The following SHMT1 variants were observed in gnomAD, a reference collection of about 807,000 sequenced individuals.
The protein encoded by SHMT1 is serine hydroxymethyltransferase, cytosolic.
A neutral mutation model predicts 49.0 loss-of-function variants in SHMT1; 45 were observed. The ratio of observed to expected loss-of-function variants is 0.92; its 90% confidence interval spans 0.72 to 1.18. The LOEUF (loss-of-function observed/expected upper bound fraction) is 1.18, where lower values mean the gene tolerates loss of function less well. SHMT1 is among the 50% of genes most tolerant of loss of function. The probability of loss-of-function intolerance (pLI) is 0.00; values close to 1 mark genes in which losing one functional copy is unlikely to be tolerated. For missense variants in SHMT1, 541 were observed against 612.4 expected, an observed-to-expected ratio of 0.88 and a Z score of 1.23; for synonymous variants, 232 against 246.6, an observed-to-expected ratio of 0.94 and a Z score of 0.55.
At chr17:18,335,832 C>G (rs1983732152) in intron 7 of SHMT1, among the ~76,000 whole-genome samples, 157 bp from the exon 8 acceptor site, 1 of 152,158 alleles carries the variant, frequency 6.6e-6, no homozygotes, top group African/African-American at 2.4e-5. Flanking sequence ...CAGAGGGGAC[C>G]CTTGCCTCCT....
chr17:18,360,490 G>C (rs1293575605), intron 1 of SHMT1: 5 of 151,368 alleles, frequency 3.3e-5, no homozygotes, highest in African/African-American at 4.9e-5. Flanking sequence ...AGTCCCGGAG[G>C]TTGAGGCTGC....
intron 3 of SHMT1, among the ~76,000 whole-genome samples, chr17:18,352,309 G>A (rs1361297999): frequency 6.6e-6 from 1 of 152,006 alleles, no homozygotes; most frequent in Non-Finnish European, 1.5e-5. Flanking sequence ...ACCTTGCCAG[G>A]CTAATTTTTT....
chr17:18,331,233 A>T, intron 9 of SHMT1: 1 of 223,446 alleles, frequency 4.5e-6, no homozygotes, highest in Non-Finnish European at 9.0e-6. Flanking sequence ...TTGAACCTTC[A>T]TTAAGCTGGG....
At chr17:18,347,406 GAC>G in intron 5 of SHMT1, 88 bp downstream of exon 5, 1 of 1,429,310 alleles carries the variant, frequency 7.0e-7, no homozygotes, top group Non-Finnish European at 9.9e-7. Context: ...TTCCTGTAGT[GAC>G]ACATAAACCA....
rs2151579002 is a variant in SHMT1 at position 18,340,161 on chromosome 17, G to A, written c.696C>T (p.Ile232=). Reference sequence around the variant, plus strand: ...CCACGCCAGCCGCCACCAGCCCGCTGATGTGAGCCATGTCCGCCATGAGAT... The same window carrying A: ...CCACGCCAGCCGCCACCAGCCCGCTAATGTGAGCCATGTCCGCCATGAGAT... ...GAYLMADMAH[I]SGLVAAGVVP... The change falls in exon 7 of 12, where the codon ATC becomes ATT. Residue 232 remains isoleucine, a synonymous_variant. Coordinates refer to ENST00000316694, the MANE Select transcript of SHMT1 (RefSeq NM_004169.5). The surrounding 1 kb of genome is among the most constrained non-coding windows in gnomAD (Gnocchi z 4.5). 6.2e-7 allele frequency: 1 copy of A among 1,614,198 alleles called. No homozygotes were observed. Among genetic ancestry groups the A allele is most frequent in the East Asian group, 2.2e-5 (1 of 44,886 alleles).
At chr17:18,349,446 C>A (rs1407235020) in intron 3 of SHMT1, among the ~76,000 whole-genome samples, 1 of 151,952 alleles carries the variant, frequency 6.6e-6, no homozygotes, top group East Asian at 1.9e-4. Flanking sequence ...TAACTACATG[C>A]AGTGGCTCAT....
chr17:18,333,802 A>G (rs12451698), intron 8 of SHMT1, among the ~76,000 whole-genome samples: 33,626 of 149,838 alleles, frequency 0.22, 3,927 homozygotes, highest in East Asian at 0.3. Flanking sequence ...TTTTTGAGAC[A>G]GGGTCTCACT....
chr17:18,356,644 T>C lies in SHMT1; in HGVS notation c.-19-644A>G, dbSNP rs545151205. Among the ~76,000 whole-genome samples, 13 of 152,350 alleles carry C rather than the reference T, an allele frequency of 8.5e-5. No homozygotes were observed. In the East Asian group the frequency reaches 1.7e-3, roughly 20 times the overall value. ...CACCATGCCTGGCCGCAGCATTATA[T>C]TGAATCAAAGCTCATCGAAACCTGT... On this transcript the variant is annotated intron_variant, in intron 1 of 11. Coordinates refer to ENST00000316694, the MANE Select transcript of SHMT1 (RefSeq NM_004169.5).
Position 18,348,454 on chromosome 17 carries a change from G to A in SHMT1, c.243-14C>T, listed in dbSNP as rs532576517. ...CCGCCATAGTATCTGTGGGAGAAGAGCAGGAGACTTAGATCCACTCAGACC... is the reference window on the plus strand; with the variant it reads ...CCGCCATAGTATCTGTGGGAGAAGAACAGGAGACTTAGATCCACTCAGACC... On this transcript the variant is annotated splice_polypyrimidine_tract_variant and intron_variant, in intron 3 of 11. Coordinates refer to ENST00000316694, the MANE Select transcript of SHMT1 (RefSeq NM_004169.5). The A allele has an allele frequency of 7.9e-5, 124 of 1,575,542 alleles. No individual in the cohort carries two copies. The South Asian group carries it at 1.3e-3, about 16-fold the overall frequency.
At chr17:18,355,369 CAAAAA>C (rs778650524) in intron 2 of SHMT1, among the ~76,000 whole-genome samples, 1 of 62,754 alleles carries the variant, frequency 1.6e-5, no homozygotes, top group Admixed American at 1.9e-4. Context: ...GACTCTGTCT[CAAAAA>C]AAAAAAAAAA....
At chr17:18,350,937 T>C (rs1985626592) in intron 3 of SHMT1, among the ~76,000 whole-genome samples, 1 of 151,898 alleles carries the variant, frequency 6.6e-6, no homozygotes, top group Non-Finnish European at 1.5e-5. Context: ...TTCGACATGT[T>C]GGCCAGGCTG....
At chr17:18,363,070 C>G (rs112168452) in intron 1 of SHMT1, 1 of 152,254 alleles carries the variant, frequency 6.6e-6, no homozygotes, top group Non-Finnish European at 1.5e-5. Flanking sequence ...AAATGCTCAA[C>G]GAGAAAAGTG....
At chr17:18,335,512 AT>A in intron 8 of SHMT1, 46 bp downstream of exon 8, 1 of 1,326,598 alleles carries the variant, frequency 7.5e-7, no homozygotes, top group East Asian at 2.3e-5. Context: ...GACAGGTGGG[AT>A]GGGAATTAGG....
chr17:18,341,822 C>T (rs886692464), intron 5 of SHMT1, among the ~76,000 whole-genome samples: 3 of 152,028 alleles, frequency 2.0e-5, no homozygotes, highest in African/African-American at 4.8e-5. Context: ...TAAGGCAGCA[C>T]GCATTCATGG....
chr17:18,361,312 A>AC (rs1203763178), intron 1 of SHMT1, among the ~76,000 whole-genome samples: 27 of 150,064 alleles, frequency 1.8e-4, no homozygotes, highest in East Asian at 3.9e-4. Context: ...AAAAAAAAAA[A>AC]AAACAAAAAC....
chr17:18,330,479 A>G (rs1369291079), intron 10 of SHMT1, 76 bp downstream of exon 10: 1 of 1,071,182 alleles, frequency 9.3e-7, no homozygotes. Flanking sequence ...GAGCCAATAT[A>G]TTCATCAGCT....
intron 1 of SHMT1, among the ~76,000 whole-genome samples, chr17:18,359,838 C>T (rs1939386738): frequency 6.6e-6 from 1 of 151,796 alleles, no homozygotes; most frequent in East Asian, 1.9e-4. Context: ...TCCAGCTACT[C>T]AGGAGGCTGA....
At chr17:18,334,086 G>A (rs917482025) in intron 8 of SHMT1, among the ~76,000 whole-genome samples, 3 of 151,902 alleles carry the variant, frequency 2.0e-5, no homozygotes, top group East Asian at 1.9e-4. Flanking sequence ...CTACAGGCAC[G>A]TGCCACCACA....
At chr17:18,360,878 A>C (rs1986692521) in intron 1 of SHMT1, among the ~76,000 whole-genome samples, 1 of 151,906 alleles carries the variant, frequency 6.6e-6, no homozygotes, top group Non-Finnish European at 1.5e-5. Flanking sequence ...CTAAAGAAAG[A>C]AAAAAAAGCG....
Sources: allele counts gnomAD v4.1 joint callset (sites outside exome capture counted in the v4.1 genomes callset), GRCh38; gene constraint gnomAD v4.1.1; non-coding constraint Gnocchi (gnomAD v3.1); transcripts MANE v1.5; gene names NCBI Gene and HGNC (gene_info 2026-07-23, HGNC 2026-07-21).